The following PAQR5 variants were observed in gnomAD, a reference collection of about 807,000 sequenced individuals.
PAQR5 encodes the protein progestin and adipoQ receptor family member 5, also known as membrane progestin receptor gamma.
Under a neutral mutation model 34.5 loss-of-function variants are expected in PAQR5, and 20 were observed. The ratio of observed to expected loss-of-function variants is 0.58; its 90% confidence interval spans 0.41 to 0.84. PAQR5 has a LOEUF of 0.84. PAQR5 is among the 40% of genes least tolerant of loss of function. The pLI, the probability that PAQR5 is intolerant of heterozygous loss-of-function variation, is 0.00. For synonymous variants in PAQR5, 131 were observed against 155.6 expected (o/e 0.84, Z 1.18); for missense variants, 378 against 412.7 (o/e 0.92, Z 0.73).
At position 69,404,189 on chromosome 15, in the gene PAQR5, T is replaced by C. The variant is rs2056717405; in HGVS notation, c.*367T>C. On this transcript the variant is annotated 3_prime_UTR_variant, in exon 9 of 9. Transcript: ENST00000395407. ...TAAAAATGAATCTTGCTTCATTTGA[T>C]GAATTTCATGTCACAAAGCTTCTCT... The C allele has an allele frequency of 1.0e-5, 2 of 194,058 alleles. No individual in the cohort carries two copies. Among genetic ancestry groups the C allele is most frequent in the African/African-American group, 4.8e-5 (2 of 41,918 alleles). The allele number at this position is 194,058 out of a possible 1,614,324, so 12.0% of individuals were successfully genotyped here.
At chr15:69,327,637 A>G (rs2054285689) in intron 1 of PAQR5, among the ~76,000 whole-genome samples, 1 of 152,188 alleles carries the variant, frequency 6.6e-6, no homozygotes, top group South Asian at 2.1e-4. Context: ...AGATGCTTTT[A>G]GGTCCTGTTG....
chr15:69,368,787 A>G (rs2055474343), intron 3 of PAQR5, among the ~76,000 whole-genome samples: 1 of 151,640 alleles, frequency 6.6e-6, no homozygotes, highest in Non-Finnish European at 1.5e-5. Context: ...TTTTTTTGAG[A>G]CAGGGTCTTG....
At chr15:69,311,550 G>C (rs28681534) in intron 1 of PAQR5, among the ~76,000 whole-genome samples, 8,313 of 152,166 alleles carry the variant, frequency 0.055, 733 homozygotes, top group African/African-American at 0.19. Flanking sequence ...TTATCTAACT[G>C]GGATGCACCC....
intron 6 of PAQR5, chr15:69,391,884 C>T: frequency 2.7e-6 from 1 of 376,258 alleles, no homozygotes; most frequent in Non-Finnish European, 5.3e-6. Context: ...TGGTGAAAAC[C>T]TGTCTCCACT....
At chr15:69,351,181 A>G (rs1262521430) in intron 2 of PAQR5, among the ~76,000 whole-genome samples, 1 of 152,252 alleles carries the variant, frequency 6.6e-6, no homozygotes, top group East Asian at 1.9e-4. Context: ...GTCTCTACCT[A>G]GAAACATAAT....
At chr15:69,322,775 A>ACGAG (rs2054148595) in intron 1 of PAQR5, among the ~76,000 whole-genome samples, 1 of 4,516 alleles carries the variant, frequency 2.2e-4, no homozygotes, top group East Asian at 0.012. Context: ...AAGAAGAGGG[A>ACGAG]GAAGAAGAAG....
chr15:69,380,957 G>T (rs2055869221), intron 4 of PAQR5, among the ~76,000 whole-genome samples: 1 of 152,186 alleles, frequency 6.6e-6, no homozygotes, highest in South Asian at 2.1e-4. Context: ...GCCAGCCTGA[G>T]TAGAAGTCAG....
intron 3 of PAQR5, among the ~76,000 whole-genome samples, chr15:69,372,026 T>C (rs1405714625): frequency 6.6e-6 from 1 of 152,242 alleles, no homozygotes; most frequent in African/African-American, 2.4e-5. Context: ...AAATTTGGTA[T>C]GTGTTTCAGC....
intron 7 of PAQR5, among the ~76,000 whole-genome samples, chr15:69,399,467 C>T (rs1048438511): frequency 6.6e-6 from 1 of 152,162 alleles, no homozygotes; most frequent in African/African-American, 2.4e-5. Context: ...GGTAAGGCTT[C>T]CAGTCAACAG....
intron 2 of PAQR5, among the ~76,000 whole-genome samples, chr15:69,342,180 C>T (rs7168811): frequency 0.075 from 11,412 of 152,040 alleles, 619 homozygotes; most frequent in East Asian, 0.15. Context: ...GGCTATGAAG[C>T]GGTATCCCAT....
intron 4 of PAQR5, 54 bp downstream of exon 4, chr15:69,380,064 G>A (rs1161895189): frequency 1.9e-6 from 3 of 1,597,216 alleles, no homozygotes; most frequent in Non-Finnish European, 2.6e-6. Context: ...CTGGAGACCA[G>A]GGTGTCTTAA....
rs148165604 is a variant in PAQR5, at chr15:69,317,984, T to G, written c.-277+18928T>G. The stretch of plus-strand genomic sequence containing the variant: ...CACTGCCTCCACCAGGAGCCTGCCC[T>G]GACTGCACCACCATCCTTGCGCAGG... On this transcript the variant is annotated intron_variant, in intron 1 of 8. Coordinates refer to ENST00000395407, the MANE Select transcript of PAQR5 (RefSeq NM_017705.4). 3.2e-3 allele frequency among the ~76,000 whole-genome samples: 481 copies of G among 152,366 alleles called. 4 individuals carry two copies. Among genetic ancestry groups the G allele is most frequent in the African/African-American group, 0.011 (469 of 41,576 alleles).
intron 7 of PAQR5, among the ~76,000 whole-genome samples, chr15:69,399,549 C>T (rs1195685373): frequency 6.6e-6 from 1 of 152,136 alleles, no homozygotes; most frequent in African/African-American, 2.4e-5. Context: ...GGGTCAATGC[C>T]CCTAGCCTGC....
intron 3 of PAQR5, 87 bp from the exon 4 acceptor site, chr15:69,379,796 C>T: frequency 6.7e-7 from 1 of 1,495,018 alleles, no homozygotes; most frequent in Non-Finnish European, 9.0e-7. Context: ...TCCAGGCACA[C>T]AGAGCACGGC....
intron 1 of PAQR5, among the ~76,000 whole-genome samples, chr15:69,326,874 G>A (rs1228128252): frequency 7.4e-6 from 1 of 136,038 alleles, no homozygotes; most frequent in Non-Finnish European, 1.6e-5. Context: ...GAACAAACAT[G>A]GATGCATTGT....
chr15:69,300,536 A>T, intron 1 of PAQR5, among the ~76,000 whole-genome samples: 1 of 151,826 alleles, frequency 6.6e-6, no homozygotes, highest in Non-Finnish European at 1.5e-5. Flanking sequence ...TTACACCAAG[A>T]GTACATCCTT....
At chr15:69,360,845 T>C (rs1230477718) in intron 3 of PAQR5, among the ~76,000 whole-genome samples, 2 of 152,174 alleles carry the variant, frequency 1.3e-5, no homozygotes, top group African/African-American at 4.8e-5. Context: ...TTTGGGAAGA[T>C]GTGACAGAGT....
At chr15:69,339,280 T>C (rs1487778603) in intron 2 of PAQR5, among the ~76,000 whole-genome samples, 1 of 151,812 alleles carries the variant, frequency 6.6e-6, no homozygotes, top group Non-Finnish European at 1.5e-5. Context: ...TGGCTCTGTG[T>C]GAATTACTCT....
chr15:69,339,170 A>ACCCCCC (rs55878437), intron 2 of PAQR5, among the ~76,000 whole-genome samples: 1 of 137,038 alleles, frequency 7.3e-6, no homozygotes, highest in Non-Finnish European at 1.6e-5. Flanking sequence ...CACTGGCTAC[A>ACCCCCC]CCCCCCACCC....
Sources: allele counts gnomAD v4.1 joint callset (sites outside exome capture counted in the v4.1 genomes callset), GRCh38; gene constraint gnomAD v4.1.1; transcripts MANE v1.5; gene names NCBI Gene and HGNC (gene_info 2026-07-23, HGNC 2026-07-21).